Variants in HS3ST4 observed in about 807,000 individuals in gnomAD.
HS3ST4 encodes heparan sulfate glucosamine 3-O-sulfotransferase 4.
A neutral mutation model predicts 29.2 loss-of-function variants in HS3ST4; 17 were observed. The observed-to-expected ratio is 0.58, with a 90% confidence interval of 0.40 to 0.87. The LOEUF (loss-of-function observed/expected upper bound fraction) is 0.87, where lower values mean the gene tolerates loss of function less well. Ranked by LOEUF, HS3ST4 falls within the 40% of genes least tolerant of loss-of-function variation. The pLI, the probability that HS3ST4 is intolerant of heterozygous loss-of-function variation, is 0.00. For missense variants in HS3ST4, 627 were observed against 634.5 expected (o/e 0.99, Z 0.13); for synonymous variants, 314 against 285.7 (o/e 1.10, Z -1.00).
intron 1 of HS3ST4, among the ~76,000 whole-genome samples, chr16:25,817,586 G>GA (rs1967106594): frequency 6.6e-6 from 1 of 151,978 alleles, no homozygotes; most frequent in Non-Finnish European, 1.5e-5. Context: ...AAGATGGATG[G>GA]TACCCAGAAG....
chr16:25,726,946 G>A (rs1966539473), intron 1 of HS3ST4, among the ~76,000 whole-genome samples: 1 of 152,018 alleles, frequency 6.6e-6, no homozygotes, highest in Admixed American at 6.6e-5. Context: ...AGTGGTCATG[G>A]ATTCACTGAT....
At chr16:25,706,057 G>C (rs1274623513) in intron 1 of HS3ST4, among the ~76,000 whole-genome samples, 1 of 152,204 alleles carries the variant, frequency 6.6e-6, no homozygotes, top group Non-Finnish European at 1.5e-5. Context: ...CTATTTTATA[G>C]CATGGATATC....
intron 1 of HS3ST4, among the ~76,000 whole-genome samples, chr16:25,940,067 T>C (rs1402445550): frequency 3.3e-5 from 5 of 152,128 alleles, no homozygotes; most frequent in Non-Finnish European, 7.4e-5. Context: ...CAAGCAGACC[T>C]CGGAGGAGGT....
chr16:25,723,548 A>G (rs1226586270), intron 1 of HS3ST4, among the ~76,000 whole-genome samples: 3 of 152,254 alleles, frequency 2.0e-5, no homozygotes, highest in Non-Finnish European at 4.4e-5. Flanking sequence ...ATACCCTTTG[A>G]AAATCACATG....
At chr16:25,835,484 CAG>C (rs1967347289) in intron 1 of HS3ST4, among the ~76,000 whole-genome samples, 2 of 100,918 alleles carry the variant, frequency 2.0e-5, no homozygotes, top group Admixed American at 1.2e-4. Flanking sequence ...CCTCAGTTGA[CAG>C]ATGATGAAAA....
chr16:25,866,462 ATAC>A (rs1301753391), intron 1 of HS3ST4, among the ~76,000 whole-genome samples: 3 of 152,212 alleles, frequency 2.0e-5, no homozygotes, highest in Non-Finnish European at 4.4e-5. Flanking sequence ...ACACTATGGA[ATAC>A]TATGCAGCCA....
At chr16:25,728,681 C>T (rs142991026) in intron 1 of HS3ST4, among the ~76,000 whole-genome samples, 28 of 152,246 alleles carry the variant, frequency 1.8e-4, no homozygotes, top group Admixed American at 1.0e-3. Context: ...ATCAGAGACT[C>T]GGTGGGATAG....
intron 1 of HS3ST4, among the ~76,000 whole-genome samples, chr16:25,810,140 A>G (rs923159401): frequency 1.3e-5 from 2 of 148,274 alleles, no homozygotes; most frequent in East Asian, 2.1e-4. Context: ...CTTTAGCAGC[A>G]TCTAACATAT....
rs910473221 is a variant in HS3ST4, at chr16:25,749,281, C to T, written c.734+56130C>T. Among the ~76,000 whole-genome samples, 6 of 152,142 alleles carry T rather than the reference C, an allele frequency of 3.9e-5. No individual in the cohort carries two copies. In the South Asian group the frequency reaches 1.2e-3, roughly 32 times the overall value. On this transcript the variant is annotated intron_variant, in intron 1 of 1. Coordinates refer to ENST00000331351, the MANE Select transcript of HS3ST4 (RefSeq NM_006040.3). ...GGCCTAGGTGGGCAAATTGCTTGAG[C>T]CCAGGAGTTCAAGACCAGCCTGGGC...
At chr16:25,931,620 A>T (rs1968465008) in intron 1 of HS3ST4, among the ~76,000 whole-genome samples, 1 of 152,228 alleles carries the variant, frequency 6.6e-6, no homozygotes, top group South Asian at 2.1e-4. Context: ...ATTATGCAGG[A>T]TGGAGACAAG....
At chr16:25,726,212 G>GT (rs1465592817) in intron 1 of HS3ST4, among the ~76,000 whole-genome samples, 2 of 152,146 alleles carry the variant, frequency 1.3e-5, no homozygotes, top group African/African-American at 4.8e-5. Context: ...GTATTATAAT[G>GT]TATTTACCTG....
chr16:26,068,428 G>A (rs778447710), intron 1 of HS3ST4, among the ~76,000 whole-genome samples: 4 of 152,186 alleles, frequency 2.6e-5, no homozygotes, highest in African/African-American at 9.6e-5. Context: ...TAATATTCTA[G>A]CCTCATTTTA....
In HS3ST4 at chr16:25,692,662, C is replaced by T; in HGVS notation, c.245C>T (p.Pro82Leu). Residue 82 changes from proline (P) to leucine (L), a missense_variant, in exon 1 of 2, where the codon CCC becomes CTC. Transcript: ENST00000331351. The part of the protein sequence containing the change: ...AAEPPPSPPP[P>L]SLLPTPVRLG... ...GAGCCCCCGCCGAGCCCGCCGCCAC[C>T]CTCTCTGCTGCCTACCCCCGTGCGC... 1 of 1,345,086 alleles carries T rather than the reference C, an allele frequency of 7.4e-7. No homozygotes were observed. The highest frequency in any genetic ancestry group is 9.6e-7 in the Non-Finnish European group (1 of 1,040,372). 83.3% of individuals were successfully genotyped at this position (1,345,086 alleles called of 1,614,324 possible). A position where few individuals can be genotyped will look rare whatever the true frequency, so the allele number is the denominator to read the frequency against.
chr16:25,828,328 CTCTCTCTCTCTT>C (rs1567249584), intron 1 of HS3ST4, among the ~76,000 whole-genome samples: 5 of 134,266 alleles, frequency 3.7e-5, no homozygotes, highest in African/African-American at 8.6e-5. Flanking sequence ...CTCTCTCTCT[CTCTCTCTCTCTT>C]TCTCCCTTTC....
intron 1 of HS3ST4, among the ~76,000 whole-genome samples, chr16:26,105,869 G>A (rs546330828): frequency 1.3e-5 from 2 of 152,346 alleles, no homozygotes; most frequent in South Asian, 2.1e-4. Flanking sequence ...CTGTTTCACT[G>A]TATATAGTCT....
chr16:25,898,530 G>A (rs956592355), intron 1 of HS3ST4, among the ~76,000 whole-genome samples: 9 of 152,182 alleles, frequency 5.9e-5, no homozygotes, highest in Non-Finnish European at 1.0e-4. Flanking sequence ...AGTATACCAC[G>A]TATGCCATAT....
At chr16:25,737,704 A>G (rs1159002379) in intron 1 of HS3ST4, among the ~76,000 whole-genome samples, 1 of 152,180 alleles carries the variant, frequency 6.6e-6, no homozygotes, top group Admixed American at 6.5e-5. Context: ...TATTCATGTA[A>G]CACAACTGTA....
intron 1 of HS3ST4, among the ~76,000 whole-genome samples, chr16:25,828,336 C>T (rs1326873026): frequency 1.2e-4 from 16 of 134,830 alleles, no homozygotes; most frequent in African/African-American, 2.6e-4. Context: ...CTCTCTCTCT[C>T]TCTTTCTCCC....
intron 1 of HS3ST4, among the ~76,000 whole-genome samples, chr16:25,807,321 A>G (rs1966999672): frequency 6.6e-6 from 1 of 151,796 alleles, no homozygotes; most frequent in South Asian, 2.1e-4. Context: ...AACACTCTCC[A>G]CCTCAGTCTA....
Sources: gnomAD v4.1 joint callset for allele counts (sites outside exome capture counted in the v4.1 genomes callset) on GRCh38, gnomAD v4.1.1 for gene constraint, MANE v1.5 for transcripts, NCBI Gene and HGNC (gene_info 2026-07-23, HGNC 2026-07-21) for gene names.